The following ADARB2 variants were observed in gnomAD, a reference collection of about 807,000 sequenced individuals.
ADARB2 encodes inactive double-stranded RNA-specific editase B2.
ADARB2 carries 25 observed loss-of-function variants against 62.2 expected under a neutral mutation model. The ratio of observed to expected loss-of-function variants is 0.40; its 90% confidence interval spans 0.29 to 0.56. The LOEUF (loss-of-function observed/expected upper bound fraction) is 0.56. Ranked by LOEUF, ADARB2 falls within the 20% of genes least tolerant of loss-of-function variation. The pLI is 0.43. For synonymous variants in ADARB2, 572 were observed against 500.8 expected (o/e 1.14, Z -1.90); for missense variants, 1,071 against 1,077.4 (o/e 0.99, Z 0.08).
At chr10:1,562,050 G>A (rs146046391) in intron 1 of ADARB2, among the ~76,000 whole-genome samples, 8 of 152,256 alleles carry the variant, frequency 5.3e-5, no homozygotes, top group South Asian at 2.1e-4. Context: ...TGCCTCAGCC[G>A]GAACCCGTCT....
At chr10:1,649,923 C>G (rs1834089011) in intron 1 of ADARB2, among the ~76,000 whole-genome samples, 1 of 152,192 alleles carries the variant, frequency 6.6e-6, no homozygotes, top group African/African-American at 2.4e-5. Flanking sequence ...GAGGGAGTGG[C>G]TTCCTGAGGA....
chr10:1,273,589 G>A (rs568812236), intron 3 of ADARB2, among the ~76,000 whole-genome samples: 110 of 152,324 alleles, frequency 7.2e-4, no homozygotes, highest in South Asian at 4.8e-3. Flanking sequence ...GAGGTTGTCC[G>A]GCCCCGCCTG....
rs569879967 is a variant in ADARB2 at position 1,499,458 on chromosome 10, T to G, written c.101-120298A>C. 9.2e-5 allele frequency among the ~76,000 whole-genome samples: 14 copies of G among 152,026 alleles called. No homozygotes were observed. The East Asian group carries it at 2.1e-3, about 23-fold the overall frequency. ...TATTACTCACTAATCGCTCACTCAT[T>G]ACTCACTCATCATTCAGTTGTCAGC... On this transcript the variant is annotated intron_variant, in intron 1 of 9. Transcript: ENST00000381312.
intron 5 of ADARB2, among the ~76,000 whole-genome samples, chr10:1,241,363 T>C (rs1032514071): frequency 1.3e-5 from 2 of 152,222 alleles, no homozygotes. Flanking sequence ...GCACAGCTAA[T>C]GGGCATGGAG....
chr10:1,609,526 C>A (rs1833540895), intron 1 of ADARB2, among the ~76,000 whole-genome samples: 1 of 152,264 alleles, frequency 6.6e-6, no homozygotes, highest in Admixed American at 6.5e-5. Context: ...CAGCTGCCAT[C>A]TCTTCCCTTA....
intron 4 of ADARB2, among the ~76,000 whole-genome samples, chr10:1,263,980 T>C (rs1177791210): frequency 1.3e-5 from 2 of 152,338 alleles, no homozygotes; most frequent in East Asian, 3.9e-4. Flanking sequence ...AAATCTGTCC[T>C]GCATTTTATA....
intron 1 of ADARB2, among the ~76,000 whole-genome samples, chr10:1,712,552 T>C (rs1834961356): frequency 6.6e-6 from 1 of 151,860 alleles, no homozygotes; most frequent in East Asian, 1.9e-4. Context: ...CCCGGGAGGA[T>C]TGGGAAAGCC....
chr10:1,447,970 A>G (rs1249806321), intron 1 of ADARB2, among the ~76,000 whole-genome samples: 1 of 152,166 alleles, frequency 6.6e-6, no homozygotes, highest in Non-Finnish European at 1.5e-5. Flanking sequence ...TTCTGTATCC[A>G]GTCTACCACT....
intron 1 of ADARB2, among the ~76,000 whole-genome samples, chr10:1,645,760 G>GC (rs1005529411): frequency 1.4e-5 from 2 of 146,590 alleles, no homozygotes; most frequent in African/African-American, 4.9e-5. Flanking sequence ...ATGTTGAGCT[G>GC]CCCCCTCTGC....
intron 3 of ADARB2, among the ~76,000 whole-genome samples, chr10:1,284,449 C>T (rs1831395417): frequency 6.6e-6 from 1 of 152,286 alleles, no homozygotes; most frequent in South Asian, 2.1e-4. Flanking sequence ...TTGCACTGGA[C>T]CTGCACTATA....
chr10:1,446,407 T>C (rs1830970013), intron 1 of ADARB2, among the ~76,000 whole-genome samples: 1 of 152,274 alleles, frequency 6.6e-6, no homozygotes, highest in African/African-American at 2.4e-5. Flanking sequence ...TACATGCACC[T>C]GTTTATTCAG....
intron 1 of ADARB2, among the ~76,000 whole-genome samples, chr10:1,639,567 G>A (rs189521869): frequency 7.8e-4 from 119 of 152,312 alleles, no homozygotes; most frequent in African/African-American, 2.5e-3. Flanking sequence ...AAAGAGGGCC[G>A]GGCGCAGTGG....
intron 1 of ADARB2, among the ~76,000 whole-genome samples, chr10:1,469,381 A>G (rs1831294394): frequency 1.3e-5 from 2 of 152,334 alleles, no homozygotes; most frequent in South Asian, 4.1e-4. Flanking sequence ...TTTCTTTTTC[A>G]GTATTCTGAT....
intron 1 of ADARB2, among the ~76,000 whole-genome samples, chr10:1,395,386 G>A (rs1259715273): frequency 6.6e-6 from 1 of 152,168 alleles, no homozygotes; most frequent in South Asian, 2.1e-4. Flanking sequence ...GGAGGAGCTC[G>A]CTGAAGGCCT....
intron 1 of ADARB2, among the ~76,000 whole-genome samples, chr10:1,413,578 GC>G (rs1333457578): frequency 6.6e-6 from 1 of 152,058 alleles, no homozygotes; most frequent in African/African-American, 2.4e-5. Flanking sequence ...CCTCCTATCG[GC>G]CCTGTTTTGC....
intron 3 of ADARB2, among the ~76,000 whole-genome samples, chr10:1,356,457 CAG>C (rs1832196400): frequency 6.6e-6 from 1 of 152,152 alleles, no homozygotes; most frequent in Non-Finnish European, 1.5e-5. Flanking sequence ...TGGAAAACAA[CAG>C]AACTTCACAC....
intron 7 of ADARB2, among the ~76,000 whole-genome samples, chr10:1,214,498 G>A (rs1398682190): frequency 1.4e-5 from 2 of 147,734 alleles, no homozygotes; most frequent in Non-Finnish European, 3.0e-5. Context: ...TTCTGGCGTT[G>A]TGTAGGTTTG....
chr10:1,566,130 T>G (rs1346812365), intron 1 of ADARB2, among the ~76,000 whole-genome samples: 23 of 145,944 alleles, frequency 1.6e-4, no homozygotes, highest in South Asian at 4.3e-4. Flanking sequence ...GTACAGTGAG[T>G]GTGTGTGTAT....
intron 1 of ADARB2, among the ~76,000 whole-genome samples, chr10:1,705,237 C>T (rs553771325): frequency 1.3e-5 from 2 of 152,292 alleles, no homozygotes; most frequent in East Asian, 1.9e-4. Flanking sequence ...TGGGCCAAGG[C>T]GGCTGTGCTT....
Sources: allele counts gnomAD v4.1 joint callset (sites outside exome capture counted in the v4.1 genomes callset), GRCh38; gene constraint gnomAD v4.1.1; transcripts MANE v1.5; gene names NCBI Gene and HGNC (gene_info 2026-07-23, HGNC 2026-07-21).